AIFM3: variants seen among roughly 807,000 people sequenced by gnomAD.
The protein encoded by AIFM3 is apoptosis-inducing factor 3.
AIFM3 carries 71 observed loss-of-function variants against 82.7 expected under a neutral mutation model. The observed-to-expected ratio is 0.86, with a 90% CI of 0.71 to 1.05. The LOEUF is 1.05. Ranked by LOEUF, AIFM3 falls within the 50% of genes least tolerant of loss-of-function variation. The pLI is 0.00. For synonymous variants in AIFM3, 337 were observed against 329.1 expected (o/e 1.02, Z -0.26); for missense variants, 748 against 816.7 (o/e 0.92, Z 1.03).
intron 2 of AIFM3, among the ~76,000 whole-genome samples, chr22:20,968,861 C>CTTGGAA (rs1923088650): frequency 6.6e-6 from 1 of 152,188 alleles, no homozygotes; most frequent in Non-Finnish European, 1.5e-5. Flanking sequence ...TTACCTGATA[C>CTTGGAA]CCATCAGCTC....
intron 9 of AIFM3, 85 bp downstream of exon 9, chr22:20,975,863 T>C (rs1376142553): frequency 1.4e-6 from 2 of 1,454,362 alleles, no homozygotes; most frequent in Non-Finnish European, 1.9e-6. Flanking sequence ...GGGGTCTTGG[T>C]GCTCTACCTT....
rs147210962 is a variant in AIFM3 at position 20,979,328 on chromosome 22, A to G, written c.1535A>G (p.Tyr512Cys). Residue 512 changes from tyrosine to cysteine, a missense_variant, in exon 17 of 21, where the codon TAC becomes TGC. Tyr to Cys is a radical substitution (Grantham distance 194). Around this residue, in one of 5 missense-constraint regions of AIFM3, gnomAD observed 183 missense variants for 158.2 expected, o/e 1.16. Coordinates refer to ENST00000440238, the MANE Select transcript of AIFM3 (RefSeq NM_001386814.1). ...AQEAEMSTVP[Y>C]LWTAMFGKSL... is the part of the protein sequence containing the mutation. ...GAGGCGGAGATGAGCACTGTGCCCT[A>G]CCTCTGGACCGCCATGTTTGGCAAG... is the stretch of plus-strand genomic sequence containing the variant. The G allele has an allele frequency of 1.1e-5, 17 of 1,555,354 alleles. No individual in the cohort carries two copies. The African/African-American group carries it at 1.8e-4, about 17-fold the overall frequency.
At chr22:20,971,971 G>GC (rs1395074088) in intron 2 of AIFM3, among the ~76,000 whole-genome samples, 1 of 152,142 alleles carries the variant, frequency 6.6e-6, no homozygotes, top group African/African-American at 2.4e-5. Flanking sequence ...GGCTGTGGGG[G>GC]GGGGGGGCTG....
rs771533522 is a variant in AIFM3, at chr22:20,979,383, C to A, written c.1576+14C>A. 20 of 1,547,144 alleles carry A rather than the reference C, an allele frequency of 1.3e-5. No homozygotes were observed. The highest frequency in any genetic ancestry group is 1.6e-5 in the Non-Finnish European group (18 of 1,146,126). On this transcript the variant is annotated intron_variant, in intron 17 of 20. Coordinates refer to ENST00000440238, the MANE Select transcript of AIFM3 (RefSeq NM_001386814.1). ...TGCGCTACGCGGGTAACCCCGGGGC[C>A]TCGGATGGGGGCGGGGCCGAGGGCG...
Position 20,980,036 on chromosome 22 carries a change from GC to G in AIFM3, c.1671del (p.Val558TrpfsTer4). 1.2e-6 allele frequency: 2 copies of G among 1,610,898 alleles called. No individual in the cohort carries two copies. The highest frequency in any genetic ancestry group is 1.7e-6 in the Non-Finnish European group (2 of 1,179,874). ...AFYTKGDEVI[A>X]VASMNYDPIV... ...TCCTTGCAGAGGCGACGAGGTGATC[GC>G]CGTGGCCAGCATGAACTACGATCCC... On this transcript the variant is annotated frameshift_variant, in exon 19 of 21. Coordinates refer to ENST00000440238, the MANE Select transcript of AIFM3 (RefSeq NM_001386814.1). LOFTEE classifies it high-confidence loss of function.
In AIFM3 at chr22:20,975,566, G is replaced by T. The variant is rs1923586012; in HGVS notation, c.721-126G>T. On this transcript the variant is annotated intron_variant, in intron 8 of 20. Coordinates refer to ENST00000440238, the MANE Select transcript of AIFM3 (RefSeq NM_001386814.1). ...ATCACAGGCATGAGTCACTGCGCCT[G>T]GCCAGATCTGGGTTTGCTGAGTTCT... 3.6e-6 allele frequency: 3 copies of T among 843,810 alleles called. No homozygotes were observed. In the South Asian group the frequency reaches 4.4e-5, roughly 12 times the overall value. 52.3% of individuals were successfully genotyped at this position (843,810 alleles called of 1,614,324 possible). A position where few individuals can be genotyped will look rare whatever the true frequency, so the allele number is the denominator to read the frequency against.
In AIFM3 at chr22:20,974,907, C is replaced by T. The variant is rs914373737; in HGVS notation, c.720+91C>T. ...TGCTTGTCACCCCATTGGGGTCTGG[C>T]CGGCTGCCCTCCCTGCTTATGCCAG... On this transcript the variant is annotated intron_variant, in intron 8 of 20. Transcript: ENST00000440238. The T allele has an allele frequency of 1.6e-5, 21 of 1,277,310 alleles. No homozygotes were observed. The African/African-American group carries it at 2.8e-4, about 17-fold the overall frequency. The allele number at this position is 1,277,310 out of a possible 1,614,324, so 79.1% of individuals were successfully genotyped here. A position where few individuals can be genotyped will look rare whatever the true frequency, so the allele number is the denominator to read the frequency against.
In AIFM3 at chr22:20,977,640, G is replaced by A. The variant is rs1225625447; in HGVS notation, c.1283-60G>A. The A allele has an allele frequency of 1.9e-6, 3 of 1,603,112 alleles. No homozygotes were observed. The African/African-American group carries it at 4.0e-5, about 21-fold the overall frequency. On this transcript the variant is annotated intron_variant, in intron 14 of 20. Coordinates refer to ENST00000440238, the MANE Select transcript of AIFM3 (RefSeq NM_001386814.1). Reference sequence around the variant, plus strand: ...ACATCAAGCGCATGCTGTAGGGTGTGGAGAGTGACTACGCAGAAGGCAGGG... The same window carrying A: ...ACATCAAGCGCATGCTGTAGGGTGTAGAGAGTGACTACGCAGAAGGCAGGG...
At chr22:20,968,390 CAA>C (rs1923054856) in intron 2 of AIFM3, among the ~76,000 whole-genome samples, 1 of 152,140 alleles carries the variant, frequency 6.6e-6, no homozygotes, top group Non-Finnish European at 1.5e-5. Context: ...TTTCTCTCTG[CAA>C]AAGAGAGGGC....
At chr22:20,974,317 T>C in intron 6 of AIFM3, 21 bp downstream of exon 6, 1 of 1,612,076 alleles carries the variant, frequency 6.2e-7, no homozygotes, top group Non-Finnish European at 8.5e-7. Context: ...AGCTCGGGGC[T>C]CAGGCAGAAG....
chr22:20,967,502 A>G (rs73164810), intron 1 of AIFM3, among the ~76,000 whole-genome samples, 199 bp downstream of exon 1: 10,261 of 151,918 alleles, frequency 0.068, 481 homozygotes, highest in Admixed American at 0.13. Context: ...TGGAGAGGGG[A>G]AGGGGGGCAC....
intron 17 of AIFM3, 33 bp from the exon 18 acceptor site, chr22:20,979,594 C>T (rs2147951426): frequency 6.2e-7 from 1 of 1,613,242 alleles, no homozygotes. Flanking sequence ...TCCCCCGGCT[C>T]ACGTGGGTGC....
intron 2 of AIFM3, among the ~76,000 whole-genome samples, chr22:20,971,659 C>A (rs903714031): frequency 2.0e-5 from 3 of 152,180 alleles, no homozygotes; most frequent in Non-Finnish European, 2.9e-5. Flanking sequence ...AGAGGTAAAA[C>A]CCAGAGGTGC....
chr22:20,979,718 T>G lies in AIFM3; in HGVS notation c.1652+16T>G, dbSNP rs201740092. 7 of 1,614,044 alleles carry G rather than the reference T, an allele frequency of 4.3e-6. No homozygotes were observed. The highest frequency in any genetic ancestry group is 4.2e-6 in the Non-Finnish European group (5 of 1,179,940). On this transcript the variant is annotated intron_variant, in intron 18 of 20. Transcript: ENST00000440238. ...TTTACACTAAGTGAGAGCACCGGGG[T>G]GCAGCTTGGCGCGAAGCAGCGGGAG... is the stretch of plus-strand genomic sequence containing the variant.
In AIFM3 at chr22:20,977,110, G is replaced by C. The variant is rs758335803; in HGVS notation, c.1282+15G>C. The C allele has an allele frequency of 5.0e-6, 8 of 1,613,792 alleles. No individual in the cohort carries two copies. The highest frequency in any genetic ancestry group is 6.8e-6 in the Non-Finnish European group (8 of 1,179,990). On this transcript the variant is annotated intron_variant, in intron 14 of 20. Transcript: ENST00000440238. ...GGTGGGCATTGGTGAGTTGGTGTGT[G>C]GGCAGGCAGGCACAAAGCAGCCCAG...
intron 2 of AIFM3, among the ~76,000 whole-genome samples, chr22:20,969,619 C>T (rs770942979): frequency 2.6e-5 from 4 of 152,096 alleles, no homozygotes; most frequent in Admixed American, 6.5e-5. Context: ...TTAGTAGAGA[C>T]GGGGTTTCAC....
At chr22:20,967,743 G>A (rs1024028384) in intron 1 of AIFM3, 62 bp from the exon 2 acceptor site, 19 of 602,816 alleles carry the variant, frequency 3.2e-5, no homozygotes, top group East Asian at 2.5e-4. Flanking sequence ...GTCTCTCTCC[G>A]TCCCTCTGTG....
chr22:20,972,487 T>C (rs1016469345), intron 2 of AIFM3, among the ~76,000 whole-genome samples: 5 of 151,726 alleles, frequency 3.3e-5, no homozygotes, highest in African/African-American at 9.7e-5. Flanking sequence ...AAAATTCAAA[T>C]ATATGGGAAA....
chr22:20,969,630 C>T (rs1923145539), intron 2 of AIFM3, among the ~76,000 whole-genome samples: 1 of 152,128 alleles, frequency 6.6e-6, no homozygotes, highest in Non-Finnish European at 1.5e-5. Context: ...GGGGTTTCAC[C>T]GTGTTAGCCA....
Sources: gnomAD v4.1 joint callset for allele counts (sites outside exome capture counted in the v4.1 genomes callset) on GRCh38, gnomAD v4.1.1 for gene constraint, gnomAD v4.1.1 regional missense constraint, MANE v1.5 for transcripts, NCBI Gene and HGNC (gene_info 2026-07-23, HGNC 2026-07-21) for gene names.